Variants in GALNT12 observed in about 807,000 individuals in gnomAD.
The protein encoded by GALNT12 is UDP-GalNAc:polypeptide N-acetylgalactosaminyltransferase 12.
Under a neutral mutation model 55.5 loss-of-function variants are expected in GALNT12, and 45 were observed. The ratio of observed to expected loss-of-function variants is 0.81; its 90% CI spans 0.64 to 1.04. The LOEUF (loss-of-function observed/expected upper bound fraction) is 1.04. GALNT12 is among the 50% of genes least tolerant of loss of function. GALNT12 has a pLI of 0.00. For synonymous variants in GALNT12, 304 were observed against 312.2 expected (o/e 0.97, Z 0.28); for missense variants, 709 against 754.8 (o/e 0.94, Z 0.71).
intron 4 of GALNT12, 79 bp from the exon 5 acceptor site, chr9:98,835,170 C>A: frequency 1.0e-6 from 1 of 955,100 alleles, no homozygotes; most frequent in Non-Finnish European, 1.7e-6. Flanking sequence ...GATGAAAGGG[C>A]TCGTGGTGGG....
In GALNT12 at chr9:98,844,148, A is replaced by G. The variant is rs201232174; in HGVS notation, c.1397A>G (p.Glu466Gly). 1 of 1,614,134 alleles carries G rather than the reference A, an allele frequency of 6.2e-7. No homozygotes were observed. The highest frequency in any genetic ancestry group is 8.5e-7 in the Non-Finnish European group (1 of 1,179,960). The part of the protein sequence containing the change: ...DYCFDYNPPD[E>G]NQIVGHQVIL... ...TGCTTTGACTATAACCCTCCCGATGAAAACCAGATTGTGGGACACCAGGTC... is the reference window on the plus strand; with the variant it reads ...TGCTTTGACTATAACCCTCCCGATGGAAACCAGATTGTGGGACACCAGGTC... Residue 466 changes from glutamate (E) to glycine (G), a missense_variant, in exon 8 of 10, where the codon GAA (glutamate) becomes GGA (glycine). Transcript: ENST00000375011.
chr9:98,843,411 T>G (rs569577928), intron 7 of GALNT12, among the ~76,000 whole-genome samples: 240 of 152,210 alleles, frequency 1.6e-3, no homozygotes, highest in Non-Finnish European at 2.9e-3. Flanking sequence ...CTTTTTTTTT[T>G]TTTGGTGGTG....
chr9:98,843,989 C>G, intron 7 of GALNT12, 107 bp from the exon 8 acceptor site: 1 of 773,020 alleles, frequency 1.3e-6, no homozygotes, highest in Non-Finnish European at 2.3e-6. Context: ...GCGTCTAGCT[C>G]TTGAAGCAGG....
chr9:98,848,023 A>G lies in GALNT12; in HGVS notation c.1606-929A>G, dbSNP rs369180459. On this transcript the variant is annotated intron_variant, in intron 9 of 9. Coordinates refer to ENST00000375011, the MANE Select transcript of GALNT12 (RefSeq NM_024642.5). The stretch of plus-strand genomic sequence containing the variant: ...GAGATGGAGTTTTGCCATGTTGGCC[A>G]GGCTGGTCTTGAGCTCTTTGGCCTC... 7.9e-4 allele frequency among the ~76,000 whole-genome samples: 121 copies of G among 152,216 alleles called. 1 individual carries two copies. The highest frequency in any genetic ancestry group is 2.6e-3 in the African/African-American group (110 of 41,552).
chr9:98,835,204 GT>G, intron 4 of GALNT12, 44 bp from the exon 5 acceptor site: 1 of 1,319,292 alleles, frequency 7.6e-7, no homozygotes, highest in South Asian at 1.2e-5. Context: ...AACTGTGATG[GT>G]TTTCTGCTGT....
intron 4 of GALNT12, among the ~76,000 whole-genome samples, chr9:98,834,913 T>A (rs1468383214): frequency 6.6e-6 from 1 of 152,194 alleles, no homozygotes; most frequent in Non-Finnish European, 1.5e-5. Context: ...AACTGTCCTT[T>A]GTCCTGCAGA....
chr9:98,846,600 C>T (rs1836419767), intron 9 of GALNT12, among the ~76,000 whole-genome samples: 1 of 152,100 alleles, frequency 6.6e-6, no homozygotes, highest in African/African-American at 2.4e-5. Context: ...TGGCTGACGC[C>T]TGTAATCCCA....
At chr9:98,846,453 A>G (rs7873605) in intron 9 of GALNT12, among the ~76,000 whole-genome samples, 5,419 of 152,286 alleles carry the variant, frequency 0.036, 237 homozygotes, top group East Asian at 0.14. Flanking sequence ...TCAGAGATGA[A>G]AGGGCTTTAA....
intron 3 of GALNT12, among the ~76,000 whole-genome samples, chr9:98,829,520 T>C (rs1010143226): frequency 6.6e-6 from 1 of 152,110 alleles, no homozygotes. Context: ...TAAATTATTT[T>C]TTTTTTTTAC....
At position 98,825,071 on chromosome 9, in the gene GALNT12, C is replaced by T. The variant is rs371572213; in HGVS notation, c.541+1646C>T. 2.6e-4 allele frequency among the ~76,000 whole-genome samples: 40 copies of T among 152,204 alleles called. 1 individual carries two copies. In the South Asian group the frequency reaches 7.9e-3, roughly 30 times the overall value. ...GATAGCTTCTACCTTGTAGGATCAT[C>T]GTGAGCATTGAATGAGATGAGGAGG... On this transcript the variant is annotated intron_variant, in intron 2 of 9. Transcript: ENST00000375011.
intron 1 of GALNT12, among the ~76,000 whole-genome samples, chr9:98,815,992 A>G (rs192884663): frequency 3.2e-4 from 49 of 152,300 alleles, no homozygotes; most frequent in Admixed American, 3.9e-4. Flanking sequence ...TCATGTAGTA[A>G]ACACTCAACA....
At chr9:98,845,194 A>G (rs369951209) in intron 8 of GALNT12, among the ~76,000 whole-genome samples, 131 of 152,210 alleles carry the variant, frequency 8.6e-4, no homozygotes, top group African/African-American at 3.1e-3. Context: ...TTTCAGACTG[A>G]TCCCAACACT....
chr9:98,841,827 T>C (rs1481713344), intron 7 of GALNT12, among the ~76,000 whole-genome samples: 2 of 151,836 alleles, frequency 1.3e-5, no homozygotes, highest in East Asian at 1.9e-4. Context: ...CCTGCCACCA[T>C]GCCTGGCTAA....
chr9:98,843,946 A>C, intron 7 of GALNT12, 150 bp from the exon 8 acceptor site: 1 of 639,110 alleles, frequency 1.6e-6, no homozygotes, highest in East Asian at 2.8e-5. Flanking sequence ...TTTTAAAGCT[A>C]GAAGGTGCTG....
At chr9:98,827,019 C>A in intron 3 of GALNT12, 78 bp downstream of exon 3, 2 of 1,464,544 alleles carry the variant, frequency 1.4e-6, no homozygotes, top group Non-Finnish European at 9.3e-7. Flanking sequence ...CATCACGTCA[C>A]TTGAGGGTTA....
chr9:98,808,914 C>T (rs763042529), intron 1 of GALNT12, among the ~76,000 whole-genome samples: 2 of 152,234 alleles, frequency 1.3e-5, no homozygotes, highest in Non-Finnish European at 2.9e-5. Context: ...CCCTTCCTTA[C>T]AGACTTTGAG....
chr9:98,849,734 C>T lies in GALNT12; in HGVS notation c.*642C>T. On this transcript the variant is annotated 3_prime_UTR_variant, in exon 10 of 10. Transcript: ENST00000375011. ...TAACCAAAGCTGAAATCTCAGAGAACAATTTGCTTTACTAAGCTGAGTCAA... is the reference window on the plus strand; with the variant it reads ...TAACCAAAGCTGAAATCTCAGAGAATAATTTGCTTTACTAAGCTGAGTCAA... 2.5e-6 allele frequency: 1 copy of T among 398,758 alleles called. No homozygotes were observed. Among genetic ancestry groups the T allele is most frequent in the Non-Finnish European group, 4.4e-6 (1 of 226,744 alleles). 24.7% of individuals were successfully genotyped at this position (398,758 alleles called of 1,614,324 possible).
At chr9:98,823,975 G>T (rs957716377) in intron 2 of GALNT12, among the ~76,000 whole-genome samples, 1 of 152,244 alleles carries the variant, frequency 6.6e-6, no homozygotes, top group Non-Finnish European at 1.5e-5. Flanking sequence ...GGGCCTAGCT[G>T]AAGTGAGAGC....
chr9:98,814,012 A>G (rs1835556623), intron 1 of GALNT12, among the ~76,000 whole-genome samples: 1 of 152,184 alleles, frequency 6.6e-6, no homozygotes, highest in Admixed American at 6.5e-5. Flanking sequence ...AAGAAAATAT[A>G]TTGGGTTCTA....
Sources: gnomAD v4.1 joint callset for allele counts (sites outside exome capture counted in the v4.1 genomes callset) on GRCh38, gnomAD v4.1.1 for gene constraint, MANE v1.5 for transcripts, NCBI Gene and HGNC (gene_info 2026-07-23, HGNC 2026-07-21) for gene names.